Variants in CLIP2 observed in about 807,000 individuals in gnomAD.
CLIP2 encodes CAP-Gly domain-containing linker protein 2.
In CLIP2, 41 loss-of-function variants were observed where a neutral mutation model predicts 111.7. The ratio of observed to expected loss-of-function variants is 0.37; its 90% CI spans 0.29 to 0.48. The LOEUF (loss-of-function observed/expected upper bound fraction) is 0.48, where lower values mean the gene tolerates loss of function less well. Ranked by LOEUF, CLIP2 falls within the 20% of genes least tolerant of loss-of-function variation. CLIP2 has a pLI of 0.99. For synonymous variants in CLIP2, 660 were observed against 644.2 expected (o/e 1.02, Z -0.37); for missense variants, 1,160 against 1,422.1 (o/e 0.82, Z 2.96).
Position 74,376,133 on chromosome 7 carries a change from G to A in CLIP2, c.1732G>A (p.Val578Met), listed in dbSNP as rs139660627. The stretch of plus-strand genomic sequence containing the variant: ...GGCCCTGAAGGCCTACCAGGCGGAG[G>A]TGGACAAGCTCCGCGCGGCCAACGA... ...EKALKAYQAE[V>M]DKLRAANEKY... The change falls in exon 10 of 17, where the codon GTG becomes ATG. Residue 578 changes from valine (V) to methionine (M), a missense_variant. Physicochemically the swap from Val to Met is conservative, Grantham distance 21. Around this residue, in one of 5 missense-constraint regions of CLIP2, gnomAD observed 676 missense variants for 777.8 expected, o/e 0.87. Transcript: ENST00000223398. This position sits in a 1 kb window ranked among gnomAD's most constrained non-coding sequence, Gnocchi z 7.1. The A allele has an allele frequency of 1.2e-6, 2 of 1,609,920 alleles. No homozygotes were observed. Among genetic ancestry groups the A allele is most frequent in the African/African-American group, 1.3e-5 (1 of 74,916 alleles).
Position 74,402,198 on chromosome 7 carries a change from C to T in CLIP2, c.3129+631C>T, listed in dbSNP as rs894325153. On this transcript the variant is annotated intron_variant, in intron 16 of 16. Transcript: ENST00000223398. ...AAAAAAAATTAGCTGGGCGTGGTGG[C>T]GGGCACCTGTAGTTCCAGCTACTCT... is the stretch of plus-strand genomic sequence containing the variant. Among the ~76,000 whole-genome samples, 7 of 151,892 alleles carry T rather than the reference C, an allele frequency of 4.6e-5. No individual in the cohort carries two copies. The South Asian group carries it at 6.3e-4, about 14-fold the overall frequency.
chr7:74,329,045 C>T (rs1554730981), intron 2 of CLIP2, among the ~76,000 whole-genome samples: 2 of 150,186 alleles, frequency 1.3e-5, no homozygotes, highest in South Asian at 2.1e-4. Context: ...CCCAAGTAAC[C>T]GTTAGGCACC....
At chr7:74,362,528 C>CTTTTTTT (rs3044338) in intron 7 of CLIP2, among the ~76,000 whole-genome samples, 207 of 121,880 alleles carry the variant, frequency 1.7e-3, no homozygotes, top group East Asian at 2.1e-3. Flanking sequence ...TTTTTCTTTT[C>CTTTTTTT]TTTTTTTTTT....
In CLIP2 at chr7:74,395,516, T is replaced by C. The variant is rs559496730; in HGVS notation, c.2721-1558T>C. ...TATGTTGGCCAGGCTGGTCTCAAAC[T>C]CCTGACCTCAGGTGATCTGTCCTCC... On this transcript the variant is annotated intron_variant, in intron 13 of 16. Transcript: ENST00000223398. Among the ~76,000 whole-genome samples, 3 of 152,254 alleles carry C rather than the reference T, an allele frequency of 2.0e-5. No individual in the cohort carries two copies. In the East Asian group the frequency reaches 5.8e-4, roughly 29 times the overall value.
intron 11 of CLIP2, among the ~76,000 whole-genome samples, chr7:74,386,150 C>T (rs936376133): frequency 2.0e-5 from 3 of 151,270 alleles, no homozygotes; most frequent in Non-Finnish European, 2.9e-5. Context: ...CGGGTTCAAA[C>T]GATTCTCCTG....
chr7:74,322,036 T>G (rs1554730109), intron 2 of CLIP2, among the ~76,000 whole-genome samples: 2 of 142,230 alleles, frequency 1.4e-5, no homozygotes. Flanking sequence ...CAGGCTGGAG[T>G]GTAGTGGCAC....
In CLIP2 at chr7:74,338,868, C is replaced by G. The variant is rs782027919; in HGVS notation, c.542C>G (p.Thr181Ser). ...TCGGGCACGGCCACGCCCCCGCTGACCAGCCGCGTCATCCCCCTGCGGGAG... is the reference window on the plus strand; with the variant it reads ...TCGGGCACGGCCACGCCCCCGCTGAGCAGCCGCGTCATCCCCCTGCGGGAG... ...LHSGTATPPL[T>S]SRVIPLRESV... Residue 181 changes from threonine to serine, a missense_variant, in exon 3 of 17, where the codon ACC becomes AGC. Around this residue, in one of 5 missense-constraint regions of CLIP2, gnomAD observed 301 missense variants for 315.2 expected, o/e 0.96. Coordinates refer to ENST00000223398, the MANE Select transcript of CLIP2 (RefSeq NM_003388.5). The surrounding 1 kb of genome is among the most constrained non-coding windows in gnomAD (Gnocchi z 4.3). 6.2e-6 allele frequency: 10 copies of G among 1,608,230 alleles called. No homozygotes were observed. The South Asian group carries it at 8.8e-5, about 14-fold the overall frequency.
At chr7:74,319,522 T>G (rs998636846) in intron 2 of CLIP2, among the ~76,000 whole-genome samples, 3 of 149,560 alleles carry the variant, frequency 2.0e-5, no homozygotes, top group East Asian at 2.0e-4. Context: ...TAAAATAAAA[T>G]AAAGAAAGAA....
chr7:74,361,766 G>C (rs2116620286), intron 7 of CLIP2, among the ~76,000 whole-genome samples: 1 of 152,236 alleles, frequency 6.6e-6, no homozygotes, highest in African/African-American at 2.4e-5. Flanking sequence ...GAAATGCCCT[G>C]TGTCCAGGTG....
At chr7:74,390,957 G>A (rs1430869964) in intron 13 of CLIP2, among the ~76,000 whole-genome samples, 2 of 152,040 alleles carry the variant, frequency 1.3e-5, no homozygotes, top group African/African-American at 4.8e-5. Flanking sequence ...GCTGAGGCAG[G>A]AGAATCTCTT....
At chr7:74,351,065 GAGAAAGAA>G (rs139852602) in intron 3 of CLIP2, among the ~76,000 whole-genome samples, 12 of 74,736 alleles carry the variant, frequency 1.6e-4, no homozygotes, top group East Asian at 5.6e-4. Context: ...AAGAAAGAAA[GAGAAAGAA>G]AGAAAGAAAG....
intron 4 of CLIP2, 47 bp from the exon 5 acceptor site, chr7:74,356,363 A>G: frequency 1.3e-6 from 2 of 1,541,390 alleles, no homozygotes; most frequent in Non-Finnish European, 1.8e-6. Flanking sequence ...GAGGCTCTCC[A>G]GGCTTTGGGG....
chr7:74,395,697 G>C (rs1452098689), intron 13 of CLIP2, among the ~76,000 whole-genome samples: 1 of 152,162 alleles, frequency 6.6e-6, no homozygotes, highest in Non-Finnish European at 1.5e-5. Flanking sequence ...ACAGGCCACC[G>C]TGGGCTCCTC....
In CLIP2 at chr7:74,347,520, G is replaced by T. The variant is rs184053001; in HGVS notation, c.679-6360G>T. Among the ~76,000 whole-genome samples the T allele has an allele frequency of 1.2e-3, 181 of 152,156 alleles. 1 individual carries two copies. The highest frequency in any genetic ancestry group is 4.2e-3 in the African/African-American group (174 of 41,546). ...CCTGACCTCGTGATCTGCCCGCCTC[G>T]GCCTCCCAAAGTGCTGGGATTACAG... On this transcript the variant is annotated intron_variant, in intron 3 of 16. Transcript: ENST00000223398.
rs1419822400 is a variant in CLIP2 at position 74,338,775 on chromosome 7, C to T, written c.449C>T (p.Thr150Met). ...TRPSKLTRQP[T>M]AEGSGSDAHS... Reference sequence around the variant, plus strand: ...CCCTCCAAGCTGACCCGGCAGCCCACGGCCGAGGGCTCGGGGAGTGATGCC... The same window carrying T: ...CCCTCCAAGCTGACCCGGCAGCCCATGGCCGAGGGCTCGGGGAGTGATGCC... The change falls in exon 3 of 17, where the codon ACG becomes ATG. Residue 150 changes from threonine (T) to methionine (M), a missense_variant. Physicochemically the swap from Thr to Met is moderately conservative, Grantham distance 81. Coordinates refer to ENST00000223398, the MANE Select transcript of CLIP2 (RefSeq NM_003388.5). This position sits in a 1 kb window ranked among gnomAD's most constrained non-coding sequence, Gnocchi z 4.3. The T allele has an allele frequency of 1.9e-6, 3 of 1,608,916 alleles. No individual in the cohort carries two copies. Among genetic ancestry groups the T allele is most frequent in the Non-Finnish European group, 1.7e-6 (2 of 1,179,092 alleles).
chr7:74,338,324 A>G lies in CLIP2; in HGVS notation c.122-124A>G. The G allele has an allele frequency of 9.3e-7, 1 of 1,070,890 alleles. No homozygotes were observed. Among genetic ancestry groups the G allele is most frequent in the Non-Finnish European group, 1.3e-6 (1 of 762,598 alleles). 66.3% of individuals were successfully genotyped at this position (1,070,890 alleles called of 1,614,324 possible). On this transcript the variant is annotated intron_variant, in intron 2 of 16. Transcript: ENST00000223398. This position sits in a 1 kb window ranked among gnomAD's most constrained non-coding sequence, Gnocchi z 4.3. ...CGAGACCAGCCTGGCCGAGATGGTG[A>G]AACCCCATCTCTACCCAAAAATACA...
At chr7:74,359,647 A>ACG (rs1790268826) in intron 6 of CLIP2, among the ~76,000 whole-genome samples, 1 of 151,934 alleles carries the variant, frequency 6.6e-6, no homozygotes, top group Non-Finnish European at 1.5e-5. Flanking sequence ...GAGCCACTGC[A>ACG]CCCGGCCCAT....
intron 16 of CLIP2, 109 bp from the exon 17 acceptor site, chr7:74,403,728 G>A (rs1791688089): frequency 1.8e-6 from 2 of 1,118,354 alleles, no homozygotes; most frequent in Non-Finnish European, 2.7e-6. Context: ...TTCGCTCTAT[G>A]CTCCTCCCCC....
intron 10 of CLIP2, chr7:74,380,522 T>G (rs1233618361): frequency 3.9e-6 from 1 of 256,824 alleles, no homozygotes; most frequent in African/African-American, 2.2e-5. Flanking sequence ...ATCTGTTTAA[T>G]ATAATAAACA....
Sources: allele counts gnomAD v4.1 joint callset (sites outside exome capture counted in the v4.1 genomes callset), GRCh38; gene constraint gnomAD v4.1.1; regional missense constraint gnomAD v4.1.1; non-coding constraint Gnocchi (gnomAD v3.1); transcripts MANE v1.5; gene names NCBI Gene and HGNC (gene_info 2026-07-23, HGNC 2026-07-21).